FOXN3: variants seen among roughly 807,000 people sequenced by gnomAD.
FOXN3 encodes forkhead box N3.
Under a neutral mutation model 38.4 loss-of-function variants are expected in FOXN3, and 7 were observed. That is an observed-to-expected ratio of 0.18 (90% confidence interval 0.10 to 0.34). FOXN3 has a LOEUF of 0.34. Among genes scored for constraint, FOXN3 ranks in the 10% least tolerant of loss-of-function variants. FOXN3 has a pLI of 1.00. For synonymous variants in FOXN3, 230 were observed against 242.2 expected (o/e 0.95, Z 0.47); for missense variants, 456 against 613.4 (o/e 0.74, Z 2.71).
intron 1 of FOXN3, among the ~76,000 whole-genome samples, chr14:89,605,743 TTAAC>T (rs755953795): frequency 2.0e-5 from 3 of 152,176 alleles, no homozygotes; most frequent in African/African-American, 2.4e-5. Flanking sequence ...TCAAAAGTAA[TTAAC>T]TAAGCTGTCA....
intron 4 of FOXN3, among the ~76,000 whole-genome samples, chr14:89,239,227 C>T (rs1172529889): frequency 1.3e-5 from 2 of 152,164 alleles, no homozygotes; most frequent in Non-Finnish European, 2.9e-5. Context: ...TGTAAATAAC[C>T]AGCAGTTTTG....
At chr14:89,275,366 G>C (rs994385630) in intron 4 of FOXN3, among the ~76,000 whole-genome samples, 3 of 152,174 alleles carry the variant, frequency 2.0e-5, no homozygotes, top group African/African-American at 7.2e-5. Flanking sequence ...CCTATTTTGG[G>C]GGAAGTTGCT....
At chr14:89,382,892 G>C (rs558648411) in intron 2 of FOXN3, among the ~76,000 whole-genome samples, 8 of 152,292 alleles carry the variant, frequency 5.3e-5, no homozygotes, top group Non-Finnish European at 8.8e-5. Flanking sequence ...GCTGGAGGAA[G>C]TGCCCTCCTG....
At chr14:89,394,604 T>C (rs1169847226) in intron 2 of FOXN3, among the ~76,000 whole-genome samples, 3 of 152,040 alleles carry the variant, frequency 2.0e-5, no homozygotes, top group African/African-American at 4.8e-5. Context: ...TCAAGAGAAG[T>C]GTACAGAGAG....
At chr14:89,382,583 G>A (rs931556223) in intron 2 of FOXN3, among the ~76,000 whole-genome samples, 1 of 152,158 alleles carries the variant, frequency 6.6e-6, no homozygotes, top group African/African-American at 2.4e-5. Flanking sequence ...GCCCTTTCAG[G>A]TGGGGCAGGA....
Position 89,527,893 on chromosome 14 carries a change from G to A in FOXN3, c.-15+91135C>T, listed in dbSNP as rs184039055. ...ATTTTTGTATTTTTAGTAGAGACAG[G>A]GTTTTGCCATGTTGACCAGGTTGGT... On this transcript the variant is annotated intron_variant, in intron 1 of 6. Coordinates refer to the FOXN3 transcript ENST00000345097. Among the ~76,000 whole-genome samples, 554 of 151,956 alleles carry A rather than the reference G, an allele frequency of 3.6e-3. 6 individuals are homozygous for A. The highest frequency in any genetic ancestry group is 0.013 in the African/African-American group (535 of 41,440).
Position 89,604,245 on chromosome 14 carries a change from G to A in FOXN3, c.-15+14783C>T, listed in dbSNP as rs1047567911. On this transcript the variant is annotated intron_variant, in intron 1 of 6. Coordinates refer to the FOXN3 transcript ENST00000345097. ...CACACACACACACACACACACGTGC[G>A]CGCACACACACGCGCGCGCACACAC... 6.8e-5 allele frequency among the ~76,000 whole-genome samples: 9 copies of A among 133,098 alleles called. 1 individual carries two copies. In the South Asian group the frequency reaches 9.7e-4, roughly 14 times the overall value. 87.3% of individuals were successfully genotyped at this position (133,098 alleles called of 152,430 possible).
At chr14:89,518,274 C>A (rs1221926831) in intron 1 of FOXN3, among the ~76,000 whole-genome samples, 1 of 152,186 alleles carries the variant, frequency 6.6e-6, no homozygotes, top group Non-Finnish European at 1.5e-5. Context: ...CAAAGCATTG[C>A]CCAGTAAAAC....
chr14:89,611,793 G>C (rs1239550634), intron 1 of FOXN3, among the ~76,000 whole-genome samples: 1 of 126,728 alleles, frequency 7.9e-6, no homozygotes, highest in South Asian at 2.6e-4. Context: ...GCGACAGAGT[G>C]AGACTCCGTC....
At chr14:89,561,262 G>C (rs1482419326) in intron 1 of FOXN3, among the ~76,000 whole-genome samples, 1 of 152,252 alleles carries the variant, frequency 6.6e-6, no homozygotes, top group African/African-American at 2.4e-5. Context: ...GCCCAGGCTA[G>C]AGTGCAAGAG....
At chr14:89,206,098 CCCAGCCT>C (rs1888377331) in intron 4 of FOXN3, among the ~76,000 whole-genome samples, 1 of 152,218 alleles carries the variant, frequency 6.6e-6, no homozygotes, top group South Asian at 2.1e-4. Context: ...TTTTGGACTT[CCCAGCCT>C]CCAGAACTGT....
chr14:89,403,028 T>C (rs1386896023), intron 2 of FOXN3, among the ~76,000 whole-genome samples: 1 of 152,132 alleles, frequency 6.6e-6, no homozygotes, highest in Non-Finnish European at 1.5e-5. Flanking sequence ...GTGCCCCTCT[T>C]TGGGAAAGGG....
chr14:89,312,834 G>A (rs1204832925), intron 3 of FOXN3, among the ~76,000 whole-genome samples: 3 of 152,294 alleles, frequency 2.0e-5, no homozygotes, highest in South Asian at 4.1e-4. Context: ...ATGAGCACTC[G>A]CAGTGATACC....
chr14:89,483,069 T>C (rs1287401), intron 1 of FOXN3, among the ~76,000 whole-genome samples: 113,909 of 152,014 alleles, frequency 0.75, 43,022 homozygotes, highest in Non-Finnish European at 0.81. Flanking sequence ...TAGCCAGGTG[T>C]GGTGGCGCGC....
intron 1 of FOXN3, among the ~76,000 whole-genome samples, chr14:89,595,043 G>T (rs533656489): frequency 1.3e-5 from 2 of 151,984 alleles, no homozygotes; most frequent in African/African-American, 4.8e-5. Context: ...CCGGCCAGGC[G>T]CAGTGGCTCA....
intron 4 of FOXN3, among the ~76,000 whole-genome samples, chr14:89,248,724 A>T (rs530639173): frequency 6.6e-6 from 1 of 152,384 alleles, no homozygotes; most frequent in South Asian, 2.1e-4. Flanking sequence ...TTCCTCCGCT[A>T]TAGACATGAT....
At chr14:89,168,183 C>T (rs536698447) in intron 5 of FOXN3, among the ~76,000 whole-genome samples, 58 of 152,126 alleles carry the variant, frequency 3.8e-4, no homozygotes, top group African/African-American at 1.2e-3. Flanking sequence ...AGAATCTGAA[C>T]GGCAAAGACT....
chr14:89,568,018 G>A (rs1031608029), intron 1 of FOXN3, among the ~76,000 whole-genome samples: 21 of 151,894 alleles, frequency 1.4e-4, no homozygotes, highest in African/African-American at 4.4e-4. Context: ...CATCGCGCCC[G>A]GCCAAATCTC....
chr14:89,348,367 G>C (rs566851337), intron 3 of FOXN3, among the ~76,000 whole-genome samples: 1 of 152,164 alleles, frequency 6.6e-6, no homozygotes, highest in South Asian at 2.1e-4. Context: ...CAAGTGGCCT[G>C]ATGGCTTAGA....
Sources: gnomAD v4.1 joint callset for allele counts (sites outside exome capture counted in the v4.1 genomes callset) on GRCh38, gnomAD v4.1.1 for gene constraint, MANE v1.5 for transcripts, NCBI Gene and HGNC (gene_info 2026-07-23, HGNC 2026-07-21) for gene names.